The following NCOR2 variants were observed in gnomAD, a reference collection of about 807,000 sequenced individuals.
The protein encoded by NCOR2 is nuclear receptor corepressor 2.
In NCOR2, 81 loss-of-function variants were observed where a neutral mutation model predicts 262.9. The ratio of observed to expected loss-of-function variants is 0.31; its 90% CI spans 0.26 to 0.37. The LOEUF (loss-of-function observed/expected upper bound fraction) is 0.37, where lower values mean the gene tolerates loss of function less well. Ranked by LOEUF, NCOR2 falls within the 10% of genes least tolerant of loss-of-function variation. NCOR2 has a pLI of 1.00. For synonymous variants in NCOR2, 1,659 were observed against 1,559.3 expected (o/e 1.06, Z -1.51); for missense variants, 3,385 against 3,621.4 (o/e 0.93, Z 1.68).
In NCOR2 at chr12:124,433,898, A is replaced by G. The variant is rs1240690112; in HGVS notation, c.883-3111T>C. Among the ~76,000 whole-genome samples, 1,057 of 124,164 alleles carry G rather than the reference A, an allele frequency of 8.5e-3. 53 individuals are homozygous for G. Among genetic ancestry groups the G allele is most frequent in the African/African-American group, 0.04 (997 of 25,088 alleles). The allele number at this position is 124,164 out of a possible 152,430, so 81.5% of individuals were successfully genotyped here. ...CACACACACACACACACACACACAC[A>G]CGCACACACACACACAGGGAAAGAC... On this transcript the variant is annotated intron_variant, in intron 8 of 46. Transcript: ENST00000405201.
chr12:124,453,596 C>A (rs1422525492), intron 6 of NCOR2, among the ~76,000 whole-genome samples: 2 of 152,202 alleles, frequency 1.3e-5, no homozygotes, highest in Non-Finnish European at 2.9e-5. Context: ...TTGAGCCAGC[C>A]AGCAGGGCCA....
exon 31 of NCOR2, chr12:124,346,774 C>A (rs754425108): frequency 2.6e-6 from 4 of 1,559,324 alleles, no homozygotes; most frequent in South Asian, 1.2e-5. Flanking sequence ...GGGGCGGAGG[C>A]GTGCCCTCCC....
At position 124,457,136 on chromosome 12, in the gene NCOR2, A is replaced by G. The variant is rs200373154; in HGVS notation, c.732T>C (p.Ile244=). 13 of 1,529,802 alleles carry G rather than the reference A, an allele frequency of 8.5e-6. No homozygotes were observed. The Admixed American group carries it at 3.3e-4, about 39-fold the overall frequency. 94.8% of individuals were successfully genotyped at this position (1,529,802 alleles called of 1,614,324 possible). A position where few individuals can be genotyped will look rare whatever the true frequency, so the allele number is the denominator to read the frequency against. The change falls in exon 6 of 47, where the codon ATT becomes ATC. Residue 244 remains isoleucine (I), a synonymous_variant. Coordinates refer to ENST00000405201, the Ensembl canonical transcript of NCOR2. The surrounding 1 kb of genome is among the most constrained non-coding windows in gnomAD (Gnocchi z 4.0). ...CCACCTGGGGCCCCAGGCCTTCCAG[A>G]ATCCGATGTGCAGCTTCAGCCTTCT... is the stretch of plus-strand genomic sequence containing the variant.
Position 124,548,363 on chromosome 12 carries a change from A to G in NCOR2, c.-164-12752T>C, listed in dbSNP as rs936931650. On this transcript the variant is annotated intron_variant, in intron 1 of 32. Coordinates refer to the NCOR2 transcript ENST00000458234. This position sits in a 1 kb window ranked among gnomAD's most constrained non-coding sequence, Gnocchi z 5.1. The stretch of plus-strand genomic sequence containing the variant: ...ATGGAGAGTGTGGGGCCAGAGTCTC[A>G]TGGACCTTCTGATGGGATCCCTCTG... Among the ~76,000 whole-genome samples the G allele has an allele frequency of 6.6e-6, 1 of 152,134 alleles. No homozygotes were observed. The highest frequency in any genetic ancestry group is 2.4e-5 in the African/African-American group (1 of 41,424).
chr12:124,454,903 C>G lies in NCOR2; in HGVS notation c.762+2203G>C, dbSNP rs912069415. Among the ~76,000 whole-genome samples the G allele has an allele frequency of 2.0e-5, 3 of 152,164 alleles. No homozygotes were observed. Among genetic ancestry groups the G allele is most frequent in the African/African-American group, 7.2e-5 (3 of 41,430 alleles). On this transcript the variant is annotated intron_variant, in intron 6 of 46. Coordinates refer to ENST00000405201, the Ensembl canonical transcript of NCOR2. The surrounding 1 kb of genome is among the most constrained non-coding windows in gnomAD (Gnocchi z 5.6). ...TACCCCAAATATGCAAACAATCTCA[C>G]GTCCACCGACTGATGAGTGGGTAAA...
intron 15 of NCOR2, 91 bp from the exon 18 acceptor site, chr12:124,398,272 T>A: frequency 7.2e-7 from 1 of 1,393,014 alleles, no homozygotes; most frequent in Non-Finnish European, 1.0e-6. Flanking sequence ...AGGGAGGGAG[T>A]AGACCAGGCC....
At chr12:124,334,873 AC>A in intron 40 of NCOR2, 1 of 618,630 alleles carries the variant, frequency 1.6e-6, no homozygotes, top group Non-Finnish European at 2.8e-6. Flanking sequence ...AACCTGGGCC[AC>A]CAGGAAGGCC....
chr12:124,394,038 G>A (rs541268175), intron 16 of NCOR2, among the ~76,000 whole-genome samples: 9 of 152,378 alleles, frequency 5.9e-5, no homozygotes, highest in Non-Finnish European at 1.2e-4. Flanking sequence ...CATCGCCGGG[G>A]CGAAGACAGA....
chr12:124,431,357 A>C (rs939503606), intron 8 of NCOR2, among the ~76,000 whole-genome samples: 21 of 151,778 alleles, frequency 1.4e-4, no homozygotes, highest in Admixed American at 9.2e-4. Context: ...CACACAGTAG[A>C]CACACAGTCA....
chr12:124,449,532 G>C (rs570031393), intron 7 of NCOR2, among the ~76,000 whole-genome samples: 10 of 152,310 alleles, frequency 6.6e-5, no homozygotes, highest in African/African-American at 1.9e-4. Flanking sequence ...TGGGACCTCT[G>C]ACCTCCGTCT....
chr12:124,424,085 C>A (rs1565929999), intron 11 of NCOR2, among the ~76,000 whole-genome samples: 1 of 152,192 alleles, frequency 6.6e-6, no homozygotes. Flanking sequence ...AGATAGCAGC[C>A]CAGCCTGGGT....
In NCOR2 at chr12:124,495,196, T is replaced by A. The variant is rs781563222; in HGVS notation, c.56A>T (p.Tyr19Phe). 6.2e-7 allele frequency: 1 copy of A among 1,613,832 alleles called. No homozygotes were observed. Among genetic ancestry groups the A allele is most frequent in the Non-Finnish European group, 8.5e-7 (1 of 1,179,910 alleles). Residue 19 changes from tyrosine to phenylalanine, a missense_variant, in exon 1 of 47, where the codon TAC (tyrosine) becomes TTC (phenylalanine). Coordinates refer to ENST00000405201, the Ensembl canonical transcript of NCOR2. This position sits in a 1 kb window ranked among gnomAD's most constrained non-coding sequence, Gnocchi z 4.4. Reference sequence around the variant, plus strand: ...TGGGTAGGAAAGGCTGTGGGGCGGGTAGCGGGGCTCAGTGGCCCTCCACGT... The same window carrying A: ...TGGGTAGGAAAGGCTGTGGGGCGGGAAGCGGGGCTCAGTGGCCCTCCACGT...
rs958006660 is a variant in NCOR2 at position 124,454,147 on chromosome 12, C to T, written c.762+2959G>A. 2.0e-5 allele frequency among the ~76,000 whole-genome samples: 3 copies of T among 152,148 alleles called. No homozygotes were observed. Among genetic ancestry groups the T allele is most frequent in the African/African-American group, 7.2e-5 (3 of 41,430 alleles). On this transcript the variant is annotated intron_variant, in intron 6 of 46. Coordinates refer to ENST00000405201, the Ensembl canonical transcript of NCOR2. The surrounding 1 kb of genome is among the most constrained non-coding windows in gnomAD (Gnocchi z 5.6). ...GCAGATCTGTGCAGAACTGGCCGGC[C>T]GCTCTCCCAGGGGCTCAGCACACCT...
rs576193719 is a variant in NCOR2, at chr12:124,364,237, A to G, written c.2808-438T>C. ...CCCTTCCGAAGCTGCCAGAAAGCCA[A>G]AGAATCAGCCCGATTCAGGGACAGA... On this transcript the variant is annotated intron_variant, in intron 20 of 46. Coordinates refer to ENST00000405201, the Ensembl canonical transcript of NCOR2. Among the ~76,000 whole-genome samples, 3 of 152,162 alleles carry G rather than the reference A, an allele frequency of 2.0e-5. No homozygotes were observed. The South Asian group carries it at 6.2e-4, about 32-fold the overall frequency.
chr12:124,372,176 C>G, exon 20 of NCOR2: 2 of 1,601,346 alleles, frequency 1.2e-6, no homozygotes, highest in Non-Finnish European at 1.7e-6. Flanking sequence ...TCGGCCGTGG[C>G]CTCAGCGGCC....
chr12:124,445,423 A>C (rs547076427), intron 7 of NCOR2, among the ~76,000 whole-genome samples: 1 of 152,322 alleles, frequency 6.6e-6, no homozygotes, highest in African/African-American at 2.4e-5. Context: ...AGGGCGGCGG[A>C]GGCGGCTACG....
At chr12:124,366,596 C>G (rs11057600) in intron 20 of NCOR2, among the ~76,000 whole-genome samples, 13 of 151,936 alleles carry the variant, frequency 8.6e-5, no homozygotes, top group Non-Finnish European at 1.8e-4. Context: ...AGCCTTGACC[C>G]CCTGGGCTCA....
chr12:124,442,485 T>G (rs1413525418), intron 7 of NCOR2, among the ~76,000 whole-genome samples: 1 of 152,322 alleles, frequency 6.6e-6, no homozygotes, highest in African/African-American at 2.4e-5. Flanking sequence ...GCTGTCCACA[T>G]GAGGGGTGCC....
At position 124,504,634 on chromosome 12, in the gene NCOR2, A is replaced by G. The variant is rs1047821634; in HGVS notation, c.-117-9266T>C. 2.6e-5 allele frequency among the ~76,000 whole-genome samples: 4 copies of G among 152,344 alleles called. No homozygotes were observed. Among genetic ancestry groups the G allele is most frequent in the African/African-American group, 9.6e-5 (4 of 41,572 alleles). On this transcript the variant is annotated intron_variant, in intron 1 of 46. Transcript: ENST00000404621. This position sits in a 1 kb window ranked among gnomAD's most constrained non-coding sequence, Gnocchi z 4.5. ...ATCAGCCAACAAGCAGAAACAACCC[A>G]AATGTCCATCTACTGACAAACAGAT...
Sources: gnomAD v4.1 joint callset for allele counts (sites outside exome capture counted in the v4.1 genomes callset) on GRCh38, gnomAD v4.1.1 for gene constraint, Gnocchi (gnomAD v3.1) non-coding constraint, MANE v1.5 for transcripts, NCBI Gene and HGNC (gene_info 2026-07-23, HGNC 2026-07-21) for gene names.